Variants in SHC4 observed in about 807,000 individuals in gnomAD.
The protein encoded by SHC4 is SHC adaptor protein 4.
SHC4 carries 41 observed loss-of-function variants against 69.4 expected under a neutral mutation model. The ratio of observed to expected loss-of-function variants is 0.59; its 90% confidence interval spans 0.46 to 0.77. The LOEUF is 0.77. Ranked by LOEUF, SHC4 falls within the 30% of genes least tolerant of loss-of-function variation. The pLI is 0.00. For missense variants in SHC4, 777 were observed against 783.8 expected, an observed-to-expected ratio of 0.99 and a Z score of 0.10; for synonymous variants, 318 against 299.3, an observed-to-expected ratio of 1.06 and a Z score of -0.64.
intron 2 of SHC4, among the ~76,000 whole-genome samples, chr15:48,892,674 T>A (rs1900156638): frequency 6.6e-6 from 1 of 152,040 alleles, no homozygotes. Flanking sequence ...CTTTAATCCA[T>A]GAGAGTGATT....
chr15:48,933,167 C>T (rs1022329779), intron 1 of SHC4, among the ~76,000 whole-genome samples: 9 of 152,100 alleles, frequency 5.9e-5, no homozygotes, highest in Non-Finnish European at 1.2e-4. Context: ...AAGGCCCAAA[C>T]CAATCATTCC....
intron 3 of SHC4, among the ~76,000 whole-genome samples, chr15:48,890,416 C>G (rs1900115270): frequency 6.6e-6 from 1 of 152,164 alleles, no homozygotes; most frequent in Admixed American, 6.5e-5. Flanking sequence ...GTGCAACTCC[C>G]TAACTCCACA....
chr15:48,906,353 C>G (rs1900405237), intron 2 of SHC4, among the ~76,000 whole-genome samples: 1 of 152,146 alleles, frequency 6.6e-6, no homozygotes, highest in South Asian at 2.1e-4. Context: ...CTAATGTCTT[C>G]TTTTCCTTTT....
chr15:48,913,604 A>G (rs1179988568), intron 2 of SHC4, among the ~76,000 whole-genome samples: 1 of 151,994 alleles, frequency 6.6e-6, no homozygotes, highest in Non-Finnish European at 1.5e-5. Flanking sequence ...CCCTCCCCCA[A>G]GTTCTGGCCA....
chr15:48,877,810 G>A, intron 4 of SHC4: 1 of 184,980 alleles, frequency 5.4e-6, no homozygotes, highest in African/African-American at 2.4e-5. Flanking sequence ...ATTGCCCAGG[G>A]GAAGAGGAAG....
intron 4 of SHC4, chr15:48,878,517 A>T: frequency 6.2e-7 from 1 of 1,614,074 alleles, no homozygotes; most frequent in South Asian, 1.1e-5. Context: ...TATCCCGAAG[A>T]GGAGCAGCTC....
At chr15:48,846,691 C>G (rs1899099775) in intron 9 of SHC4, among the ~76,000 whole-genome samples, 1 of 152,198 alleles carries the variant, frequency 6.6e-6, no homozygotes, top group Non-Finnish European at 1.5e-5. Context: ...TGTGTATCTT[C>G]TGCATCTTCA....
At chr15:48,932,024 A>G (rs1900975636) in intron 1 of SHC4, among the ~76,000 whole-genome samples, 1 of 152,114 alleles carries the variant, frequency 6.6e-6, no homozygotes, top group African/African-American at 2.4e-5. Flanking sequence ...AGGATGATCC[A>G]GTGTATTCTT....
At chr15:48,842,942 G>C (rs542766058) in intron 10 of SHC4, among the ~76,000 whole-genome samples, 2 of 152,062 alleles carry the variant, frequency 1.3e-5, no homozygotes, top group South Asian at 4.2e-4. Flanking sequence ...GAAAAAAAAA[G>C]AAAAGAAGAA....
At chr15:48,921,335 T>C (rs1595758220) in intron 2 of SHC4, among the ~76,000 whole-genome samples, 1 of 151,346 alleles carries the variant, frequency 6.6e-6, no homozygotes, top group Admixed American at 6.6e-5. Context: ...GTTATCGTTT[T>C]TTTTTTTTTT....
intron 2 of SHC4, among the ~76,000 whole-genome samples, chr15:48,921,738 G>A (rs1295762468): frequency 5.3e-5 from 8 of 152,194 alleles, no homozygotes; most frequent in African/African-American, 1.9e-4. Context: ...GCGCAACAAT[G>A]TGAATGTGCT....
rs1898652641 is a variant in SHC4, at chr15:48,824,670, G to T, written c.*1301C>A. On this transcript the variant is annotated 3_prime_UTR_variant, in exon 12 of 12. Coordinates refer to ENST00000332408, the MANE Select transcript of SHC4 (RefSeq NM_203349.4). ...ACTATACAGACTGGTTATCAATAAC[G>T]ACCTCTAACAAATGAAAAACTTGCT... The T allele has an allele frequency of 6.6e-6, 1 of 152,050 alleles. No homozygotes were observed. The highest frequency in any genetic ancestry group is 6.6e-5 in the Admixed American group (1 of 15,250). 9.4% of individuals were successfully genotyped at this position (152,050 alleles called of 1,614,324 possible). A position where few individuals can be genotyped will look rare whatever the true frequency, so the allele number is the denominator to read the frequency against.
intron 11 of SHC4, among the ~76,000 whole-genome samples, chr15:48,830,742 T>C (rs945741697): frequency 6.6e-6 from 1 of 152,230 alleles, no homozygotes; most frequent in Non-Finnish European, 1.5e-5. Flanking sequence ...AGAATGCTCA[T>C]GTTGCATTAT....
intron 6 of SHC4, among the ~76,000 whole-genome samples, 193 bp from the exon 7 acceptor site, chr15:48,858,008 A>G (rs1009563387): frequency 2.0e-5 from 3 of 152,206 alleles, no homozygotes; most frequent in Non-Finnish European, 2.9e-5. Flanking sequence ...AAAGATTCAA[A>G]TTTTACATCA....
At chr15:48,880,233 T>G (rs1899914339) in intron 4 of SHC4, 1 of 166,742 alleles carries the variant, frequency 6.0e-6, no homozygotes, top group Non-Finnish European at 1.5e-5. Context: ...GAGAGAGATC[T>G]GTAAAAGATA....
chr15:48,891,411 C>A (rs1900136125), intron 2 of SHC4, among the ~76,000 whole-genome samples: 1 of 152,156 alleles, frequency 6.6e-6, no homozygotes. Flanking sequence ...ACTTTTCTGC[C>A]CTTCCTATAT....
Position 48,896,950 on chromosome 15 carries a change from G to A in SHC4, c.657-6139C>T, listed in dbSNP as rs72739897. 1.0e-3 allele frequency among the ~76,000 whole-genome samples: 157 copies of A among 152,264 alleles called. 1 individual carries two copies. The highest frequency in any genetic ancestry group is 1.6e-3 in the Non-Finnish European group (112 of 68,030). On this transcript the variant is annotated intron_variant, in intron 2 of 11. Transcript: ENST00000332408. ...TCTGGAGTCTCAGCCACACCCTTGG[G>A]CCAACTTTACAAATGCCGAGGAGAA...
intron 11 of SHC4, among the ~76,000 whole-genome samples, chr15:48,827,098 G>A (rs1350527339): frequency 1.3e-5 from 2 of 152,146 alleles, no homozygotes; most frequent in African/African-American, 2.4e-5. Context: ...AAGTGCTCCT[G>A]TTTGGAGGGT....
At chr15:48,955,657 C>T (rs2141041788) in intron 1 of SHC4, among the ~76,000 whole-genome samples, 1 of 152,330 alleles carries the variant, frequency 6.6e-6, no homozygotes, top group East Asian at 1.9e-4. Flanking sequence ...CCTTGCCACC[C>T]TTCTATGCTC....
Sources: allele counts gnomAD v4.1 joint callset (sites outside exome capture counted in the v4.1 genomes callset), GRCh38; gene constraint gnomAD v4.1.1; transcripts MANE v1.5; gene names NCBI Gene and HGNC (gene_info 2026-07-23, HGNC 2026-07-21).